The following ARPC3 variants were observed in gnomAD, a reference collection of about 807,000 sequenced individuals.
The protein encoded by ARPC3 is actin-related protein 2/3 complex subunit 3.
A neutral mutation model predicts 27.6 loss-of-function variants in ARPC3; 12 were observed. The observed-to-expected ratio is 0.43, with a 90% confidence interval of 0.28 to 0.70. ARPC3 has a LOEUF of 0.70. ARPC3 is among the 30% of genes least tolerant of loss of function. The probability of loss-of-function intolerance (pLI) is 0.17; values close to 1 mark genes in which losing one functional copy is unlikely to be tolerated. For synonymous variants in ARPC3, 53 were observed against 67.2 expected (o/e 0.79, Z 1.03); for missense variants, 153 against 207.7 (o/e 0.74, Z 1.62).
At chr12:110,436,974 GA>G in intron 4 of ARPC3, 109 bp downstream of exon 4, 1 of 848,302 alleles carries the variant, frequency 1.2e-6, no homozygotes, top group South Asian at 1.4e-5. Context: ...TAAGTCAGAG[GA>G]AATATTTTCT....
chr12:110,435,142 G>T lies in ARPC3; in HGVS notation c.*13C>A, dbSNP rs368337193. Reference sequence around the variant, plus strand: ...GCCCAGGGCTCTGGAGACGGTGGCTGCCCGGGCTCCCTTCACTGTCCAGGT... The same window carrying T: ...GCCCAGGGCTCTGGAGACGGTGGCTTCCCGGGCTCCCTTCACTGTCCAGGT... On this transcript the variant is annotated 3_prime_UTR_variant, in exon 7 of 7. Coordinates refer to ENST00000228825, the MANE Select transcript of ARPC3 (RefSeq NM_001278556.2). The T allele has an allele frequency of 3.1e-6, 5 of 1,611,514 alleles. No homozygotes were observed. Among genetic ancestry groups the T allele is most frequent in the Non-Finnish European group, 4.2e-6 (5 of 1,178,116 alleles).
chr12:110,437,059 T>G, intron 4 of ARPC3, 25 bp downstream of exon 4: 1 of 1,499,212 alleles, frequency 6.7e-7, no homozygotes, highest in Non-Finnish European at 9.3e-7. Context: ...GTTTTCCTGA[T>G]ATACAATCAT....
intron 6 of ARPC3, among the ~76,000 whole-genome samples, 192 bp from the exon 7 acceptor site, chr12:110,435,409 A>G (rs1245184703): frequency 6.6e-6 from 1 of 150,454 alleles, no homozygotes; most frequent in African/African-American, 2.5e-5. Context: ...GGCTCACTGC[A>G]AGCTCCGCCT....
intron 1 of ARPC3, among the ~76,000 whole-genome samples, chr12:110,448,300 G>A (rs538318187): frequency 6.6e-6 from 1 of 152,066 alleles, no homozygotes; most frequent in African/African-American, 2.4e-5. Flanking sequence ...TCATAGGGTC[G>A]TTATGAGGAT....
intron 6 of ARPC3, 48 bp downstream of exon 6, chr12:110,436,062 G>T: frequency 7.1e-7 from 1 of 1,405,524 alleles, no homozygotes; most frequent in Non-Finnish European, 1.0e-6. Flanking sequence ...TGGTGGCTAT[G>T]GGATAAAAGG....
At chr12:110,439,883 G>T (rs2062426711) in intron 3 of ARPC3, among the ~76,000 whole-genome samples, 1 of 152,094 alleles carries the variant, frequency 6.6e-6, no homozygotes, top group Admixed American at 6.6e-5. Context: ...AACTAATGTT[G>T]AATAAATAAA....
chr12:110,443,396 G>T (rs1168587014), intron 2 of ARPC3, among the ~76,000 whole-genome samples: 1 of 151,778 alleles, frequency 6.6e-6, no homozygotes, highest in Non-Finnish European at 1.5e-5. Flanking sequence ...AAAGTACTGG[G>T]ATTACAGGCG....
chr12:110,442,798 G>C (rs2062445262), intron 2 of ARPC3: 1 of 152,052 alleles, frequency 6.6e-6, no homozygotes, highest in African/African-American at 2.4e-5. Flanking sequence ...GTTGTAGGTA[G>C]CTCTAGACGG....
At chr12:110,447,453 TGAAGA>T (rs2062471192) in intron 1 of ARPC3, among the ~76,000 whole-genome samples, 1 of 152,070 alleles carries the variant, frequency 6.6e-6, no homozygotes, top group Non-Finnish European at 1.5e-5. Context: ...TTCTGGTCCT[TGAAGA>T]GTAGAGAAGA....
chr12:110,445,532 A>T lies in ARPC3; in HGVS notation c.26T>A (p.Met9Lys). Residue 9 changes from methionine (M) to lysine (K), a missense_variant, in exon 2 of 7, where the codon ATG (methionine) becomes AAG (lysine). Coordinates refer to ENST00000228825, the MANE Select transcript of ARPC3 (RefSeq NM_001278556.2). The part of the protein sequence containing the change: MPAYHSSL[M>K]DPDTKLIGNM... ...TCCGATGAGTTTGGTATCAGGATCC[A>T]TGAGAGAAGAGTGGTAAGCCTGTAA... is the stretch of plus-strand genomic sequence containing the variant. 1 of 1,613,280 alleles carries T rather than the reference A, an allele frequency of 6.2e-7. No individual in the cohort carries two copies. The highest frequency in any genetic ancestry group is 8.5e-7 in the Non-Finnish European group (1 of 1,179,202).
intron 1 of ARPC3, among the ~76,000 whole-genome samples, chr12:110,445,882 T>C (rs1324487375): frequency 2.6e-5 from 4 of 152,124 alleles, no homozygotes; most frequent in South Asian, 4.1e-4. Flanking sequence ...GGCAGGCAGA[T>C]TGCCTGAGCT....
rs1448275507 is a variant in ARPC3, at chr12:110,440,705, C to T, written c.107-317G>A. 2.7e-5 allele frequency among the ~76,000 whole-genome samples: 4 copies of T among 150,144 alleles called. No individual in the cohort carries two copies. The Admixed American group carries it at 2.7e-4, about 10-fold the overall frequency. ...GGGGCTACAGGCACCTGCCACCACA[C>T]CCCGCTAATTTTTTGTATTTTTAGT... On this transcript the variant is annotated intron_variant, in intron 2 of 6. Coordinates refer to ENST00000228825, the MANE Select transcript of ARPC3 (RefSeq NM_001278556.2).
At chr12:110,436,711 T>A (rs28420165) in intron 4 of ARPC3, 28 bp from the exon 5 acceptor site, 6 of 382,270 alleles carry the variant, frequency 1.6e-5, no homozygotes, top group Non-Finnish European at 2.3e-5. Context: ...TATATATATA[T>A]ACACACACAC....
At chr12:110,441,573 C>T (rs1041462596) in intron 2 of ARPC3, among the ~76,000 whole-genome samples, 2 of 152,000 alleles carry the variant, frequency 1.3e-5, no homozygotes, top group Admixed American at 6.6e-5. Context: ...CTCTGTTACC[C>T]GGGCTGGAGT....
intron 3 of ARPC3, among the ~76,000 whole-genome samples, chr12:110,438,925 G>A (rs1236277055): frequency 6.6e-6 from 1 of 151,544 alleles, no homozygotes; most frequent in African/African-American, 2.4e-5. Context: ...GAGGCACTGC[G>A]CCCAGCCACA....
chr12:110,437,720 AG>A (rs918347988), intron 3 of ARPC3, among the ~76,000 whole-genome samples: 8 of 152,086 alleles, frequency 5.3e-5, no homozygotes, highest in Admixed American at 4.6e-4. Context: ...AGGGTTCCCA[AG>A]GATCTGTGTC....
intron 4 of ARPC3, 200 bp downstream of exon 4, chr12:110,436,884 A>G: frequency 1.5e-6 from 1 of 661,054 alleles, no homozygotes; most frequent in Non-Finnish European, 2.6e-6. Flanking sequence ...TTAAAACACC[A>G]CTACTTTTAT....
At chr12:110,449,072 C>T (rs1019544676) in intron 1 of ARPC3, among the ~76,000 whole-genome samples, 2 of 151,778 alleles carry the variant, frequency 1.3e-5, no homozygotes, top group African/African-American at 4.8e-5. Flanking sequence ...CTGCGCCTGA[C>T]CACCCATCTA....
At chr12:110,443,661 G>C (rs1206549062) in intron 2 of ARPC3, among the ~76,000 whole-genome samples, 1 of 151,996 alleles carries the variant, frequency 6.6e-6, no homozygotes, top group African/African-American at 2.4e-5. Flanking sequence ...TCAAACTCCT[G>C]ACCTGAGGCA....
Sources: gnomAD v4.1 joint callset for allele counts (sites outside exome capture counted in the v4.1 genomes callset) on GRCh38, gnomAD v4.1.1 for gene constraint, MANE v1.5 for transcripts, NCBI Gene and HGNC (gene_info 2026-07-23, HGNC 2026-07-21) for gene names.